The following CTNNA1 variants were observed in gnomAD, a reference collection of about 807,000 sequenced individuals.
The protein encoded by CTNNA1 is catenin alpha 1, also known as catenin alpha-1.
CTNNA1 carries 37 observed loss-of-function variants against 98.4 expected under a neutral mutation model. The observed-to-expected ratio is 0.38, with a 90% confidence interval of 0.29 to 0.49. The LOEUF is 0.49. Among genes scored for constraint, CTNNA1 ranks in the 20% least tolerant of loss-of-function variants. The pLI is 0.95. For missense variants in CTNNA1, 761 were observed against 1,147.2 expected (o/e 0.66, Z 4.86); for synonymous variants, 404 against 413.2 (o/e 0.98, Z 0.27).
At chr5:138,800,185 A>G (rs779461180) in intron 3 of CTNNA1, among the ~76,000 whole-genome samples, 3 of 152,232 alleles carry the variant, frequency 2.0e-5, no homozygotes, top group Non-Finnish European at 4.4e-5. Flanking sequence ...TAGCTGCTAC[A>G]GCAGCAAGCA....
chr5:138,866,919 A>AG (rs1764836461), intron 7 of CTNNA1, among the ~76,000 whole-genome samples: 1 of 152,178 alleles, frequency 6.6e-6, no homozygotes. Context: ...TGTCTCTCTA[A>AG]GGGAGACATG....
intron 7 of CTNNA1, among the ~76,000 whole-genome samples, chr5:138,885,387 T>TC (rs1304326469): frequency 6.6e-6 from 1 of 152,186 alleles, no homozygotes; most frequent in Non-Finnish European, 1.5e-5. Flanking sequence ...GCTTTTAATA[T>TC]ACTTTATATA....
intron 5 of CTNNA1, among the ~76,000 whole-genome samples, chr5:138,823,625 G>A (rs974595867): frequency 2.0e-5 from 3 of 152,054 alleles, no homozygotes; most frequent in African/African-American, 7.2e-5. Flanking sequence ...ACATACCTGT[G>A]GCATCCTGTC....
At chr5:138,875,195 G>A (rs1054883543) in intron 7 of CTNNA1, 3 of 347,634 alleles carry the variant, frequency 8.6e-6, no homozygotes, top group South Asian at 1.5e-4. Flanking sequence ...GTTAATCAAA[G>A]CTTCAGTCTC....
intron 1 of CTNNA1, among the ~76,000 whole-genome samples, chr5:138,769,406 T>C (rs1753278889): frequency 6.6e-6 from 1 of 151,842 alleles, no homozygotes; most frequent in African/African-American, 2.4e-5. Flanking sequence ...TATTATTTTT[T>C]GAGATGGAGT....
chr5:138,852,106 A>G (rs1763242901), intron 7 of CTNNA1, among the ~76,000 whole-genome samples: 1 of 152,186 alleles, frequency 6.6e-6, no homozygotes, highest in African/African-American at 2.4e-5. Flanking sequence ...ATAAATATAT[A>G]ACATGGGTGC....
intron 10 of CTNNA1, among the ~76,000 whole-genome samples, chr5:138,909,161 C>A (rs1215000660): frequency 6.6e-6 from 1 of 152,058 alleles, no homozygotes; most frequent in East Asian, 1.9e-4. Context: ...GAGATTATCT[C>A]ACTCAATATT....
intron 7 of CTNNA1, among the ~76,000 whole-genome samples, chr5:138,866,273 CATTTA>C (rs1347458377): frequency 7.2e-6 from 1 of 138,546 alleles, no homozygotes; most frequent in Non-Finnish European, 1.6e-5. Flanking sequence ...TGTTGTAACT[CATTTA>C]TTTATTTATT....
intron 1 of CTNNA1, among the ~76,000 whole-genome samples, chr5:138,778,953 A>G (rs889747821): frequency 6.6e-6 from 1 of 151,888 alleles, no homozygotes; most frequent in African/African-American, 2.4e-5. Context: ...ATCTCGGCTC[A>G]TTGCAACCTC....
intron 3 of CTNNA1, among the ~76,000 whole-genome samples, chr5:138,803,158 A>AT (rs567387707): frequency 0.015 from 2,139 of 141,722 alleles, 37 homozygotes; most frequent in East Asian, 0.12. Context: ...AATGGGCCAA[A>AT]TTTTTTTTTT....
At chr5:138,776,191 GCCTT>G (rs940532127) in intron 1 of CTNNA1, among the ~76,000 whole-genome samples, 6 of 151,862 alleles carry the variant, frequency 4.0e-5, no homozygotes, top group African/African-American at 1.5e-4. Context: ...GGACCCTGCG[GCCTT>G]CCGCAGTGTT....
rs1282198941 is a variant in CTNNA1, at chr5:138,765,552, A to AAAG, written c.-3+12043_-3+12045dup. ...AGTTCATTTATTAAGTCTGCCTTGC[A>AAAG]AAGCAGTGTGCTGTGTGCTGGAGGG... On this transcript the variant is annotated intron_variant, in intron 1 of 17. Transcript: ENST00000302763. 7.2e-5 allele frequency among the ~76,000 whole-genome samples: 11 copies of AAAG among 152,314 alleles called. No individual in the cohort carries two copies. In the East Asian group the frequency reaches 2.1e-3, roughly 29 times the overall value.
chr5:138,877,608 C>T lies in CTNNA1; in HGVS notation c.1063-8604C>T, dbSNP rs543141084. 3.4e-3 allele frequency among the ~76,000 whole-genome samples: 512 copies of T among 151,998 alleles called. 1 individual carries two copies. Among genetic ancestry groups the T allele is most frequent in the Non-Finnish European group, 5.8e-3 (396 of 67,924 alleles). On this transcript the variant is annotated intron_variant, in intron 7 of 17. Coordinates refer to ENST00000302763, the MANE Select transcript of CTNNA1 (RefSeq NM_001903.5). The stretch of plus-strand genomic sequence containing the variant: ...GACTACAGGCGCCCGCCACCACGCC[C>T]GGCTAATTTTTTGTATTTTTAGTAG...
intron 7 of CTNNA1, chr5:138,872,794 A>G (rs1003654921): frequency 7.9e-5 from 35 of 443,258 alleles, no homozygotes; most frequent in Non-Finnish European, 1.6e-5. Context: ...ACTTTCCAAC[A>G]GGAGTGCAAA....
chr5:138,821,970 A>G (rs1760092383), intron 5 of CTNNA1, among the ~76,000 whole-genome samples: 1 of 152,266 alleles, frequency 6.6e-6, no homozygotes, highest in Non-Finnish European at 1.5e-5. Context: ...TTTATGTAAC[A>G]AAATCTAATT....
At position 138,918,847 on chromosome 5, in the gene CTNNA1, C is replaced by T. The variant is rs528334499; in HGVS notation, c.1546+949C>T. On this transcript the variant is annotated intron_variant, in intron 11 of 17. Coordinates refer to ENST00000302763, the MANE Select transcript of CTNNA1 (RefSeq NM_001903.5). ...GTAGGGCTGAAACTACCTGTCACCC[C>T]AGGGAACCACGGGCTAGAACGTGGC... is the stretch of plus-strand genomic sequence containing the variant. Among the ~76,000 whole-genome samples the T allele has an allele frequency of 2.6e-5, 4 of 152,294 alleles. No homozygotes were observed. In the South Asian group the frequency reaches 8.3e-4, roughly 32 times the overall value.
intron 9 of CTNNA1, among the ~76,000 whole-genome samples, chr5:138,890,630 AC>A (rs1755136560): frequency 6.6e-6 from 1 of 152,122 alleles, no homozygotes; most frequent in African/African-American, 2.4e-5. Flanking sequence ...TTGATGTTTC[AC>A]CAACCAGAAG....
intron 10 of CTNNA1, among the ~76,000 whole-genome samples, chr5:138,911,007 G>A (rs1366505915): frequency 1.3e-5 from 2 of 152,206 alleles, no homozygotes; most frequent in African/African-American, 4.8e-5. Context: ...GGGAGGCCAA[G>A]ACACAGTGAC....
chr5:138,818,771 C>T (rs1475014850), intron 5 of CTNNA1, among the ~76,000 whole-genome samples: 2 of 152,084 alleles, frequency 1.3e-5, no homozygotes, highest in Non-Finnish European at 2.9e-5. Flanking sequence ...GACTGGGTCC[C>T]TGGTTGTGTC....
Sources: allele counts gnomAD v4.1 joint callset (sites outside exome capture counted in the v4.1 genomes callset), GRCh38; gene constraint gnomAD v4.1.1; transcripts MANE v1.5; gene names NCBI Gene and HGNC (gene_info 2026-07-23, HGNC 2026-07-21).